Variants in CHUK observed in about 807,000 individuals in gnomAD.
The protein encoded by CHUK is component of inhibitor of nuclear factor kappa B kinase complex, also known as inhibitor of nuclear factor kappa-B kinase subunit alpha.
A neutral mutation model predicts 104.8 loss-of-function variants in CHUK; 35 were observed. That is an observed-to-expected ratio of 0.33 (90% CI 0.26 to 0.44). CHUK has a LOEUF of 0.44. CHUK is among the 20% of genes least tolerant of loss of function. CHUK has a pLI of 1.00. For synonymous variants in CHUK, 276 were observed against 291.9 expected, an observed-to-expected ratio of 0.95 and a Z score of 0.56; for missense variants, 663 against 902.7, an observed-to-expected ratio of 0.73 and a Z score of 3.40.
chr10:100,205,724 TCAAGAG>T, intron 11 of CHUK, among the ~76,000 whole-genome samples: 1 of 152,146 alleles, frequency 6.6e-6, no homozygotes, highest in Non-Finnish European at 1.5e-5. Flanking sequence ...GGTCAGGAGT[TCAAGAG>T]CAGCCTGGCC....
intron 19 of CHUK, among the ~76,000 whole-genome samples, chr10:100,192,076 C>A (rs1845218735): frequency 6.6e-6 from 1 of 152,190 alleles, no homozygotes; most frequent in South Asian, 2.1e-4. Context: ...CAAGACTGTG[C>A]CACTGCACTC....
intron 4 of CHUK, among the ~76,000 whole-genome samples, chr10:100,221,464 G>A (rs977311384): frequency 1.3e-5 from 2 of 151,966 alleles, no homozygotes; most frequent in Admixed American, 1.3e-4. Context: ...GAGTTGACTT[G>A]AGGACCCATC....
chr10:100,225,551 T>C (rs1180692939), intron 2 of CHUK, among the ~76,000 whole-genome samples: 4 of 152,232 alleles, frequency 2.6e-5, no homozygotes, highest in African/African-American at 4.8e-5. Flanking sequence ...ATAATAATGT[T>C]ATGAATATGA....
intron 10 of CHUK, among the ~76,000 whole-genome samples, chr10:100,209,024 G>A (rs140587452): frequency 1.3e-3 from 191 of 152,270 alleles, no homozygotes; most frequent in African/African-American, 4.5e-3. Flanking sequence ...TTTAATAGGA[G>A]ACAAGATAAG....
chr10:100,228,991 G>GCAAACACACACACACACACA (rs576139683), intron 1 of CHUK, among the ~76,000 whole-genome samples: 2 of 114,914 alleles, frequency 1.7e-5, no homozygotes, highest in Non-Finnish European at 3.6e-5. Context: ...GCGCGCGCGC[G>GCAAACACACACACACACACA]CGCACACACA....
intron 9 of CHUK, among the ~76,000 whole-genome samples, chr10:100,210,101 T>A (rs1169491629): frequency 2.0e-5 from 3 of 149,278 alleles, no homozygotes; most frequent in African/African-American, 7.3e-5. Context: ...ATTTTTTTTT[T>A]TTTTGAGACG....
At chr10:100,194,205 G>A in intron 17 of CHUK, 74 bp from the exon 18 acceptor site, 1 of 1,521,538 alleles carries the variant, frequency 6.6e-7, no homozygotes, top group Non-Finnish European at 9.1e-7. Context: ...AAACCCAGCT[G>A]AGGAAATGAA....
chr10:100,210,908 A>G (rs1389405611), intron 9 of CHUK, among the ~76,000 whole-genome samples: 1 of 152,226 alleles, frequency 6.6e-6, no homozygotes, highest in Admixed American at 6.5e-5. Flanking sequence ...GTTGGACTTC[A>G]GTCTTTTGAA....
rs372575801 is a variant in CHUK at position 100,194,797 on chromosome 10, G to A, written c.1730-276C>T. On this transcript the variant is annotated intron_variant, in intron 16 of 20. Coordinates refer to ENST00000370397, the MANE Select transcript of CHUK (RefSeq NM_001278.5). The stretch of plus-strand genomic sequence containing the variant: ...CCTGTGCTTGAGAACAATAGTCTTG[G>A]CTATCTTTAACCCATACTAACCCAA... 2.2e-4 allele frequency: 59 copies of A among 267,968 alleles called. No homozygotes were observed. In the South Asian group the frequency reaches 2.6e-3, roughly 12 times the overall value. The allele number at this position is 267,968 out of a possible 1,614,324, so 16.6% of individuals were successfully genotyped here. A position where few individuals can be genotyped will look rare whatever the true frequency, so the allele number is the denominator to read the frequency against.
At position 100,194,433 on chromosome 10, in the gene CHUK, A is replaced by G. The variant is rs138414885; in HGVS notation, c.1818T>C (p.Gly606=). 7.9e-5 allele frequency: 128 copies of G among 1,610,516 alleles called. No individual in the cohort carries two copies. The highest frequency in any genetic ancestry group is 3.3e-4 in the Middle Eastern group (2 of 6,058). Reference sequence around the variant, plus strand: ...TGAAGCAATTTTCCTACCTCAAATGACCAAACAGCTCCTTGAGCACACGGT... The same window carrying G: ...TGAAGCAATTTTCCTACCTCAAATGGCCAAACAGCTCCTTGAGCACACGGT... The part of the protein sequence containing the change: ...SQDRVLKELF[G]HLSKLLGCKQ... The change falls in exon 17 of 21, where the codon GGT becomes GGC. Residue 606 remains glycine (G), a synonymous_variant. Coordinates refer to ENST00000370397, the MANE Select transcript of CHUK (RefSeq NM_001278.5).
Position 100,222,941 on chromosome 10 carries a change from A to G in CHUK, c.240T>C (p.Pro80=). The G allele has an allele frequency of 6.2e-7, 1 of 1,608,032 alleles. No individual in the cohort carries two copies. Among genetic ancestry groups the G allele is most frequent in the Non-Finnish European group, 8.5e-7 (1 of 1,174,710 alleles). Residue 80 remains proline (P), a synonymous_variant, in exon 3 of 21, where the codon CCT becomes CCC. Coordinates refer to ENST00000370397, the MANE Select transcript of CHUK (RefSeq NM_001278.5). ...CATGAATCAAAATATTCAATTCTTC[A>G]GGAACATCACAGGCCTTTACAACAT... ...HANVVKACDV[P]EELNILIHDV...
rs577555422 is a variant in CHUK, at chr10:100,221,916, G to A, written c.385+196C>T. On this transcript the variant is annotated intron_variant, in intron 4 of 20. Transcript: ENST00000370397. ...CTCCCAAAGTGCTGGGATTACAGGC[G>A]TGAGCCACCGCACCTAGCCAAAATA... Among the ~76,000 whole-genome samples, 36 of 152,288 alleles carry A rather than the reference G, an allele frequency of 2.4e-4. 1 individual carries two copies. The South Asian group carries it at 3.9e-3, about 17-fold the overall frequency.
intron 9 of CHUK, among the ~76,000 whole-genome samples, chr10:100,212,909 G>A (rs998532280): frequency 6.6e-6 from 1 of 151,040 alleles, no homozygotes; most frequent in Non-Finnish European, 1.5e-5. Flanking sequence ...AGAAGGCTGA[G>A]GCAGGAGAAT....
rs534895299 is a variant in CHUK at position 100,218,887 on chromosome 10, A to G, written c.690-62T>C. ...TTCTCACAAATTAAGATTTCTTGCC[A>G]TTTAATTATATTTAATTGTATATTT... On this transcript the variant is annotated intron_variant, in intron 7 of 20. Transcript: ENST00000370397. 8.5e-5 allele frequency: 127 copies of G among 1,496,472 alleles called. No homozygotes were observed. In the South Asian group the frequency reaches 1.4e-3, roughly 16 times the overall value. The allele number at this position is 1,496,472 out of a possible 1,614,324, so 92.7% of individuals were successfully genotyped here.
chr10:100,225,210 T>G (rs1473636412), intron 2 of CHUK, among the ~76,000 whole-genome samples: 1 of 152,162 alleles, frequency 6.6e-6, no homozygotes, highest in Non-Finnish European at 1.5e-5. Context: ...ACTGTTTAAT[T>G]CTGCAAAGCT....
intron 3 of CHUK, 30 bp downstream of exon 3, chr10:100,222,836 C>G: frequency 9.8e-7 from 1 of 1,021,922 alleles, no homozygotes; most frequent in Non-Finnish European, 1.6e-6. Context: ...TTGTGATTTA[C>G]TCTCTCTCAT....
Position 100,208,481 on chromosome 10 carries a change from G to A in CHUK, c.1128+1114C>T, listed in dbSNP as rs17878796. 4.5e-3 allele frequency among the ~76,000 whole-genome samples: 687 copies of A among 152,150 alleles called. 5 individuals are homozygous for A. The highest frequency in any genetic ancestry group is 0.016 in the African/African-American group (668 of 41,514). ...GCCTAAATAACAACTGTTTCAGCAC[G>A]ACTGAGTGGTGAAGTTAAATATTAA... On this transcript the variant is annotated intron_variant, in intron 10 of 20. Coordinates refer to ENST00000370397, the MANE Select transcript of CHUK (RefSeq NM_001278.5).
intron 16 of CHUK, among the ~76,000 whole-genome samples, chr10:100,199,592 G>T (rs925489953): frequency 2.0e-5 from 3 of 152,198 alleles, no homozygotes; most frequent in Non-Finnish European, 4.4e-5. Context: ...CTCCCAAAGT[G>T]CTGGGATTAC....
At chr10:100,187,203 G>A (rs554380842), downstream of CHUK, 8 of 152,380 alleles carry the variant, frequency 5.3e-5, no homozygotes, top group East Asian at 1.5e-3. Context: ...GTGCTTTAGG[G>A]CCAATGAATC....
Sources: gnomAD v4.1 joint callset for allele counts (sites outside exome capture counted in the v4.1 genomes callset) on GRCh38, gnomAD v4.1.1 for gene constraint, MANE v1.5 for transcripts, NCBI Gene and HGNC (gene_info 2026-07-23, HGNC 2026-07-21) for gene names.